KCNH1: variants seen among roughly 807,000 people sequenced by gnomAD.
KCNH1 encodes potassium voltage-gated channel subfamily H member 1.
Under a neutral mutation model 69.2 loss-of-function variants are expected in KCNH1, and 27 were observed. The observed-to-expected ratio is 0.39, with a 90% CI of 0.29 to 0.54. The LOEUF is 0.54. Among genes scored for constraint, KCNH1 ranks in the 20% least tolerant of loss-of-function variants. KCNH1 has a pLI of 0.68. For missense variants in KCNH1, 798 were observed against 1,261.6 expected, an observed-to-expected ratio of 0.63 and a Z score of 5.57; for synonymous variants, 456 against 487.7, an observed-to-expected ratio of 0.93 and a Z score of 0.86.
At chr1:211,001,712 C>T (rs1275809153) in intron 6 of KCNH1, among the ~76,000 whole-genome samples, 1 of 152,090 alleles carries the variant, frequency 6.6e-6, no homozygotes, top group Non-Finnish European at 1.5e-5. Context: ...GACTCATGTA[C>T]ACGTATGTTT....
chr1:210,865,733 G>A (rs1274580747), intron 7 of KCNH1, among the ~76,000 whole-genome samples: 1 of 152,176 alleles, frequency 6.6e-6, no homozygotes, highest in Non-Finnish European at 1.5e-5. Context: ...TCCAAAGTAG[G>A]GAGAAAGGTA....
intron 6 of KCNH1, among the ~76,000 whole-genome samples, chr1:210,954,111 T>C (rs1248243239): frequency 6.6e-6 from 1 of 150,846 alleles, no homozygotes; most frequent in African/African-American, 2.4e-5. Flanking sequence ...TGTGTCCAAG[T>C]GTTCTCATTG....
intron 10 of KCNH1, among the ~76,000 whole-genome samples, chr1:210,730,208 T>C (rs1255133408): frequency 6.6e-6 from 1 of 152,136 alleles, no homozygotes; most frequent in African/African-American, 2.4e-5. Flanking sequence ...ATTATGATGA[T>C]AACATCTCAA....
chr1:211,098,877 A>C (rs556575343), intron 3 of KCNH1, among the ~76,000 whole-genome samples: 3 of 152,242 alleles, frequency 2.0e-5, no homozygotes, highest in Non-Finnish European at 2.9e-5. Flanking sequence ...AATGAGTTAG[A>C]CACTCACATT....
At chr1:210,992,474 C>A (rs1688954620) in intron 6 of KCNH1, among the ~76,000 whole-genome samples, 1 of 152,196 alleles carries the variant, frequency 6.6e-6, no homozygotes, top group Admixed American at 6.5e-5. Context: ...TCAATCACTG[C>A]TGAATAAATA....
At chr1:211,043,230 G>C (rs768529398) in intron 5 of KCNH1, among the ~76,000 whole-genome samples, 2 of 152,112 alleles carry the variant, frequency 1.3e-5, no homozygotes, top group Non-Finnish European at 2.9e-5. Flanking sequence ...GAAAAGAAGA[G>C]AGAAAATCCA....
chr1:210,765,720 A>G (rs1683615560), intron 10 of KCNH1, among the ~76,000 whole-genome samples: 2 of 152,186 alleles, frequency 1.3e-5, no homozygotes, highest in African/African-American at 4.8e-5. Context: ...GGGACAAAGA[A>G]GGAAAGATGT....
intron 5 of KCNH1, among the ~76,000 whole-genome samples, chr1:211,047,715 T>C (rs1370666460): frequency 6.6e-6 from 1 of 152,128 alleles, no homozygotes; most frequent in Non-Finnish European, 1.5e-5. Context: ...TTAAGCAGTA[T>C]TCAAAAACTA....
intron 7 of KCNH1, among the ~76,000 whole-genome samples, chr1:210,820,782 G>C (rs1684912756): frequency 6.6e-6 from 1 of 152,124 alleles, no homozygotes; most frequent in Admixed American, 6.6e-5. Context: ...AGAAGTAGGA[G>C]ATATGATGAC....
intron 5 of KCNH1, among the ~76,000 whole-genome samples, chr1:211,047,641 T>C (rs1015222932): frequency 6.6e-6 from 1 of 152,188 alleles, no homozygotes; most frequent in African/African-American, 2.4e-5. Flanking sequence ...AGAGAGATAC[T>C]ATGAAGATCA....
chr1:210,857,948 A>G (rs1200715491), intron 7 of KCNH1, among the ~76,000 whole-genome samples: 1 of 152,160 alleles, frequency 6.6e-6, no homozygotes, highest in Non-Finnish European at 1.5e-5. Context: ...ACAATCAACA[A>G]GAGGGGTAGA....
At chr1:210,853,108 T>TA (rs1030980279) in intron 7 of KCNH1, among the ~76,000 whole-genome samples, 2 of 152,136 alleles carry the variant, frequency 1.3e-5, no homozygotes, top group South Asian at 2.1e-4. Flanking sequence ...GCGGCTATGG[T>TA]AAAAAAGTGC....
At chr1:210,721,459 G>C (rs533769904) in intron 10 of KCNH1, among the ~76,000 whole-genome samples, 42 of 152,268 alleles carry the variant, frequency 2.8e-4, no homozygotes, top group African/African-American at 1.0e-3. Flanking sequence ...TTTCTTTTGA[G>C]GTATTTTTGC....
At chr1:210,788,724 T>C (rs1684156169) in intron 9 of KCNH1, among the ~76,000 whole-genome samples, 1 of 120,400 alleles carries the variant, frequency 8.3e-6, no homozygotes, top group African/African-American at 3.4e-5. Context: ...TGAGACGGAG[T>C]CTCGCTCTGT....
intron 5 of KCNH1, among the ~76,000 whole-genome samples, chr1:211,071,960 C>G (rs559098081): frequency 8.6e-5 from 13 of 152,038 alleles, no homozygotes; most frequent in Non-Finnish European, 1.2e-4. Context: ...GAATTTTGGG[C>G]CCTGTGAAAT....
At chr1:210,716,947 T>C (rs937095519) in intron 10 of KCNH1, among the ~76,000 whole-genome samples, 2 of 152,224 alleles carry the variant, frequency 1.3e-5, no homozygotes, top group Admixed American at 1.3e-4. Flanking sequence ...CTGTGGGCCC[T>C]GGAAGAGGGC....
intron 5 of KCNH1, among the ~76,000 whole-genome samples, chr1:211,046,130 T>C (rs932360480): frequency 1.3e-5 from 2 of 152,148 alleles, no homozygotes; most frequent in African/African-American, 4.8e-5. Context: ...TATCAATAGA[T>C]ATTTAGGTTT....
intron 7 of KCNH1, chr1:210,861,636 A>AAG: frequency 1.3e-6 from 1 of 770,970 alleles, no homozygotes; most frequent in Non-Finnish European, 2.4e-6. Context: ...TATACTGAAC[A>AAG]AGAGCATAGA....
rs558443141 is a variant in KCNH1 at position 210,975,175 on chromosome 1, A to T, written c.1032+43608T>A. ...CTAGCAACCAGTTTTACCAGTCTTTATTAGAAATGTCTTTATTTTGCTGTC... is the reference window on the plus strand; with the variant it reads ...CTAGCAACCAGTTTTACCAGTCTTTTTTAGAAATGTCTTTATTTTGCTGTC... On this transcript the variant is annotated intron_variant, in intron 6 of 10. Transcript: ENST00000271751. 3.3e-4 allele frequency among the ~76,000 whole-genome samples: 51 copies of T among 152,274 alleles called. 1 individual carries two copies. Among genetic ancestry groups the T allele is most frequent in the African/African-American group, 1.2e-3 (51 of 41,548 alleles).
Sources: gnomAD v4.1 joint callset for allele counts (sites outside exome capture counted in the v4.1 genomes callset) on GRCh38, gnomAD v4.1.1 for gene constraint, MANE v1.5 for transcripts, NCBI Gene and HGNC (gene_info 2026-07-23, HGNC 2026-07-21) for gene names.